Variants in COL14A1 observed in about 807,000 individuals in gnomAD.
COL14A1 encodes collagen alpha-1(XIV) chain.
COL14A1 carries 136 observed loss-of-function variants against 230.3 expected under a neutral mutation model. The observed-to-expected ratio is 0.59, with a 90% confidence interval of 0.51 to 0.68. The LOEUF is 0.68. Ranked by LOEUF, COL14A1 falls within the 30% of genes least tolerant of loss-of-function variation. COL14A1 has a pLI of 0.00. For missense variants in COL14A1, 1,976 were observed against 2,215.8 expected, an observed-to-expected ratio of 0.89 and a Z score of 2.17; for synonymous variants, 792 against 784.1, an observed-to-expected ratio of 1.01 and a Z score of -0.17.
rs993286942 is a variant in COL14A1, at chr8:120,214,485, G to T, written c.1598-1866G>T. On this transcript the variant is annotated intron_variant, in intron 13 of 47. Transcript: ENST00000297848. ...ATTTTTAATTTGTTGAATTAGATAG[G>T]GGTCCTTGAAGAGGTTCAAAAAGCT... Among the ~76,000 whole-genome samples the T allele has an allele frequency of 2.0e-5, 3 of 152,228 alleles. No homozygotes were observed. In the South Asian group the frequency reaches 6.2e-4, roughly 32 times the overall value.
At chr8:120,249,170 G>C (rs1164433742) in intron 21 of COL14A1, among the ~76,000 whole-genome samples, 2 of 149,706 alleles carry the variant, frequency 1.3e-5, no homozygotes, top group African/African-American at 4.9e-5. Flanking sequence ...CACCCGCCTC[G>C]GCCTCCCAAA....
intron 1 of COL14A1, among the ~76,000 whole-genome samples, chr8:120,144,716 G>GA (rs1265779218): frequency 6.6e-6 from 1 of 151,772 alleles, no homozygotes; most frequent in African/African-American, 2.4e-5. Context: ...AGATTAAACT[G>GA]AAAAAAATAT....
At chr8:120,257,829 TAC>T (rs1170219535) in intron 23 of COL14A1, among the ~76,000 whole-genome samples, 8 of 152,190 alleles carry the variant, frequency 5.3e-5, no homozygotes, top group African/African-American at 1.9e-4. Context: ...GTCAAATCCT[TAC>T]AGTTTGATGG....
chr8:120,235,069 C>T (rs990648488), intron 19 of COL14A1, among the ~76,000 whole-genome samples: 2 of 152,126 alleles, frequency 1.3e-5, no homozygotes, highest in African/African-American at 4.8e-5. Context: ...GGAATTTATC[C>T]ATTTCTTCTA....
At chr8:120,283,810 A>G (rs749639878) in intron 32 of COL14A1, 32 bp downstream of exon 32, 2 of 1,576,784 alleles carry the variant, frequency 1.3e-6, no homozygotes, top group East Asian at 2.2e-5. Context: ...ACATTCACAT[A>G]TACATGTATG....
intron 45 of COL14A1, among the ~76,000 whole-genome samples, chr8:120,351,553 G>A (rs1416229912): frequency 8.6e-6 from 1 of 116,802 alleles, no homozygotes; most frequent in East Asian, 2.4e-4. Flanking sequence ...TGATAAAGGG[G>A]ATATCACCAC....
At chr8:120,184,903 A>G (rs1020164972) in intron 5 of COL14A1, among the ~76,000 whole-genome samples, 3 of 152,216 alleles carry the variant, frequency 2.0e-5, no homozygotes, top group Admixed American at 2.0e-4. Flanking sequence ...CAGTCTACCA[A>G]AATCAGTCAG....
At chr8:120,245,333 CTCA>C (rs1281907957) in intron 20 of COL14A1, among the ~76,000 whole-genome samples, 1 of 152,154 alleles carries the variant, frequency 6.6e-6, no homozygotes, top group African/African-American at 2.4e-5. Flanking sequence ...AGCCTGGGGC[CTCA>C]TCAATACTGT....
At chr8:120,146,357 G>A (rs1244685552) in intron 1 of COL14A1, among the ~76,000 whole-genome samples, 1 of 152,028 alleles carries the variant, frequency 6.6e-6, no homozygotes, top group East Asian at 1.9e-4. Flanking sequence ...AATATAGTAA[G>A]CTTTAAAGCT....
At chr8:120,234,119 A>G (rs560535319) in intron 19 of COL14A1, among the ~76,000 whole-genome samples, 4 of 132,092 alleles carry the variant, frequency 3.0e-5, no homozygotes, top group South Asian at 2.4e-4. Context: ...CTCTCTGTCT[A>G]TTATTGGTGT....
At chr8:120,246,047 G>A (rs959585212) in intron 20 of COL14A1, among the ~76,000 whole-genome samples, 4 of 152,170 alleles carry the variant, frequency 2.6e-5, no homozygotes, top group African/African-American at 7.2e-5. Context: ...GGTGACATGT[G>A]GTTAGGTTCA....
At chr8:120,333,835 C>T (rs1335518796) in intron 42 of COL14A1, among the ~76,000 whole-genome samples, 1 of 152,192 alleles carries the variant, frequency 6.6e-6, no homozygotes, top group African/African-American at 2.4e-5. Flanking sequence ...AGCAATGTTG[C>T]ATCTCTCTGG....
intron 33 of COL14A1, among the ~76,000 whole-genome samples, chr8:120,288,024 C>CA (rs61622764): frequency 0.14 from 19,898 of 145,272 alleles, 1,391 homozygotes; most frequent in Non-Finnish European, 0.15. Flanking sequence ...TTTTGTAAAG[C>CA]AAAAAAAAAA....
chr8:120,252,712 C>G (rs927474072), intron 22 of COL14A1, among the ~76,000 whole-genome samples: 1 of 152,160 alleles, frequency 6.6e-6, no homozygotes, highest in East Asian at 1.9e-4. Flanking sequence ...GGCAAATATT[C>G]AATAAATAAC....
intron 40 of COL14A1, among the ~76,000 whole-genome samples, chr8:120,331,654 A>G (rs1438035896): frequency 1.3e-5 from 2 of 152,188 alleles, no homozygotes; most frequent in Non-Finnish European, 1.5e-5. Context: ...TCAAAGCTCA[A>G]TCATTGCCAC....
chr8:120,318,746 A>G (rs960519195), intron 40 of COL14A1, among the ~76,000 whole-genome samples: 2 of 152,160 alleles, frequency 1.3e-5, no homozygotes, highest in African/African-American at 4.8e-5. Flanking sequence ...TTTGGGGGAA[A>G]AAAATAATTA....
chr8:120,272,466 A>T (rs1411507023), intron 26 of COL14A1, among the ~76,000 whole-genome samples: 1 of 151,804 alleles, frequency 6.6e-6, no homozygotes, highest in Non-Finnish European at 1.5e-5. Flanking sequence ...GAATGTAAAT[A>T]GCCTAAGTGC....
intron 8 of COL14A1, 40 bp from the exon 9 acceptor site, chr8:120,203,669 G>T (rs745699904): frequency 2.5e-6 from 4 of 1,605,044 alleles, no homozygotes; most frequent in East Asian, 2.2e-5. Flanking sequence ...TTCCAAGGGG[G>T]CATAAAAGTC....
intron 36 of COL14A1, among the ~76,000 whole-genome samples, chr8:120,305,778 T>C (rs958140544): frequency 3.9e-5 from 6 of 152,200 alleles, no homozygotes; most frequent in African/African-American, 1.4e-4. Flanking sequence ...TTTTGCTTTT[T>C]TTGTATTCCT....
Sources: gnomAD v4.1 joint callset for allele counts (sites outside exome capture counted in the v4.1 genomes callset) on GRCh38, gnomAD v4.1.1 for gene constraint, MANE v1.5 for transcripts, NCBI Gene and HGNC (gene_info 2026-07-23, HGNC 2026-07-21) for gene names.